The following DENND2A variants were observed in gnomAD, a reference collection of about 807,000 sequenced individuals.
DENND2A encodes DENN domain-containing protein 2A.
DENND2A carries 53 observed loss-of-function variants against 105.3 expected under a neutral mutation model. The observed-to-expected ratio is 0.50, with a 90% CI of 0.40 to 0.63. The LOEUF (loss-of-function observed/expected upper bound fraction) is 0.63. DENND2A is among the 30% of genes least tolerant of loss of function. DENND2A has a pLI of 0.00. For synonymous variants in DENND2A, 522 were observed against 508.4 expected, an observed-to-expected ratio of 1.03 and a Z score of -0.36; for missense variants, 1,138 against 1,279.6, an observed-to-expected ratio of 0.89 and a Z score of 1.69.
chr7:140,546,712 C>T, intron 13 of DENND2A, 87 bp downstream of exon 13: 1 of 1,530,190 alleles, frequency 6.5e-7, no homozygotes, highest in Non-Finnish European at 8.9e-7. Flanking sequence ...TTGGACTGCT[C>T]ACTGAAAGGC....
At chr7:140,581,263 CAAAAG>C (rs151202396) in intron 5 of DENND2A, among the ~76,000 whole-genome samples, 5 of 151,930 alleles carry the variant, frequency 3.3e-5, no homozygotes, top group Non-Finnish European at 7.4e-5. Context: ...GATTCTGTCT[CAAAAG>C]AAAAGAAAAG....
Position 140,640,590 on chromosome 7 carries a change from G to T in DENND2A, c.-334C>A. On this transcript the variant is annotated 5_prime_UTR_variant, in exon 1 of 20. Transcript: ENST00000496613. The surrounding 1 kb of genome is among the most constrained non-coding windows in gnomAD (Gnocchi z 4.9). ...GGGACGGCTGGCGGCGCGGCTCGGGGGCGGGCGGCGGCGGGTGCCGGGGAC... is the reference window on the plus strand; with the variant it reads ...GGGACGGCTGGCGGCGCGGCTCGGGTGCGGGCGGCGGCGGGTGCCGGGGAC... 6.7e-6 allele frequency: 1 copy of T among 149,256 alleles called. No individual in the cohort carries two copies. Among genetic ancestry groups the T allele is most frequent in the South Asian group, 1.8e-4 (1 of 5,412 alleles). 9.2% of individuals were successfully genotyped at this position (149,256 alleles called of 1,614,324 possible).
At chr7:140,570,223 G>A (rs572157842) in intron 6 of DENND2A, among the ~76,000 whole-genome samples, 11 of 152,246 alleles carry the variant, frequency 7.2e-5, no homozygotes, top group African/African-American at 2.6e-4. Flanking sequence ...ACACAGGAAC[G>A]TGACTGTCAA....
chr7:140,578,958 G>A (rs269216), intron 5 of DENND2A, among the ~76,000 whole-genome samples: 7 of 152,026 alleles, frequency 4.6e-5, no homozygotes, highest in Non-Finnish European at 1.0e-4. Flanking sequence ...ATGGGATACC[G>A]TGCAGGCAAT....
At chr7:140,574,119 A>G (rs1798206107) in intron 5 of DENND2A, 111 bp from the exon 6 acceptor site, 4 of 1,250,396 alleles carry the variant, frequency 3.2e-6, no homozygotes, top group Non-Finnish European at 4.6e-6. Context: ...GAACTGGTCT[A>G]TGTTCCCAGG....
At chr7:140,539,972 C>T (rs1226905850) in intron 14 of DENND2A, among the ~76,000 whole-genome samples, 7 of 152,168 alleles carry the variant, frequency 4.6e-5, no homozygotes, top group African/African-American at 1.2e-4. Flanking sequence ...AGCGGAGTCC[C>T]GGAAAGTCAG....
intron 11 of DENND2A, among the ~76,000 whole-genome samples, chr7:140,557,531 A>ATTTT (rs1156756617): frequency 2.5e-5 from 1 of 39,650 alleles, no homozygotes; most frequent in African/African-American, 7.3e-5. Context: ...ATATATATAT[A>ATTTT]TTTTTTTTTT....
chr7:140,634,997 T>C (rs547223277), intron 1 of DENND2A, among the ~76,000 whole-genome samples: 1 of 151,278 alleles, frequency 6.6e-6, no homozygotes, highest in East Asian at 1.9e-4. Context: ...GTGCAGTGGC[T>C]CATGCCTGTA....
chr7:140,526,985 T>C (rs1402361193), intron 15 of DENND2A, among the ~76,000 whole-genome samples: 1 of 152,082 alleles, frequency 6.6e-6, no homozygotes, highest in African/African-American at 2.4e-5. Flanking sequence ...AGCTCCTCAA[T>C]GTGGGGGAGT....
intron 1 of DENND2A, among the ~76,000 whole-genome samples, chr7:140,631,712 G>A (rs1800739052): frequency 6.6e-6 from 1 of 152,222 alleles, no homozygotes; most frequent in East Asian, 1.9e-4. Flanking sequence ...AAGATGCCAG[G>A]GAGTTATATT....
intron 1 of DENND2A, among the ~76,000 whole-genome samples, chr7:140,628,431 C>T (rs959352717): frequency 6.6e-6 from 1 of 152,076 alleles, no homozygotes; most frequent in Non-Finnish European, 1.5e-5. Flanking sequence ...CCTATCTGTG[C>T]CTGGTGTTTT....
chr7:140,599,555 G>A (rs1399125634), intron 3 of DENND2A, among the ~76,000 whole-genome samples: 1 of 151,974 alleles, frequency 6.6e-6, no homozygotes, highest in East Asian at 1.9e-4. Flanking sequence ...CCATTTTACA[G>A]ATAGGTAAAA....
chr7:140,533,942 C>A (rs192384187), intron 14 of DENND2A, among the ~76,000 whole-genome samples: 6 of 152,264 alleles, frequency 3.9e-5, no homozygotes, highest in Non-Finnish European at 5.9e-5. Flanking sequence ...TAGATGGAGT[C>A]TCACTCTGTC....
intron 12 of DENND2A, among the ~76,000 whole-genome samples, chr7:140,549,700 AC>A (rs1010239585): frequency 6.6e-6 from 1 of 152,206 alleles, no homozygotes; most frequent in Admixed American, 6.5e-5. Context: ...TCCTCAAAAA[AC>A]TAAATAGAAT....
At chr7:140,620,864 G>A (rs796398877) in intron 1 of DENND2A, among the ~76,000 whole-genome samples, 42 of 152,286 alleles carry the variant, frequency 2.8e-4, no homozygotes, top group Middle Eastern at 3.4e-3. Context: ...TCCAAAGAGC[G>A]ATTATGTGGA....
At chr7:140,626,811 C>G (rs1800549923) in intron 1 of DENND2A, among the ~76,000 whole-genome samples, 1 of 152,168 alleles carries the variant, frequency 6.6e-6, no homozygotes, top group Non-Finnish European at 1.5e-5. Context: ...GGGGCCAGCA[C>G]AAGAGAATGG....
Position 140,602,323 on chromosome 7 carries a change from G to A in DENND2A, c.75C>T (p.Leu25=), listed in dbSNP as rs370257416. The A allele has an allele frequency of 3.2e-4, 509 of 1,602,530 alleles. No individual in the cohort carries two copies. The highest frequency in any genetic ancestry group is 4.1e-4 in the Non-Finnish European group (489 of 1,178,680). The part of the protein sequence containing the change: ...AEASRAGKKQ[L]RGVQNPCPSA... ...ATGGGCAAGGGTTCTGAACACCTCT[G>A]AGCTGCTTCTTCCCAGCCCTGCTGG... Residue 25 remains leucine (L), a synonymous_variant, in exon 3 of 20, where the codon CTC becomes CTT. Transcript: ENST00000496613.
intron 3 of DENND2A, among the ~76,000 whole-genome samples, chr7:140,590,895 A>AATAATAATAAT (rs775140274): frequency 1.3e-5 from 2 of 151,868 alleles, no homozygotes; most frequent in African/African-American, 4.8e-5. Context: ...ATAATAATAA[A>AATAATAATAAT]AAAAAGGTCA....
At chr7:140,524,334 T>C (rs1347981897) in intron 16 of DENND2A, among the ~76,000 whole-genome samples, 2 of 152,316 alleles carry the variant, frequency 1.3e-5, no homozygotes, top group African/African-American at 4.8e-5. Flanking sequence ...TAGCAAATGA[T>C]AAAAAGAAAA....
Sources: gnomAD v4.1 joint callset for allele counts (sites outside exome capture counted in the v4.1 genomes callset) on GRCh38, gnomAD v4.1.1 for gene constraint, Gnocchi (gnomAD v3.1) non-coding constraint, MANE v1.5 for transcripts, NCBI Gene and HGNC (gene_info 2026-07-23, HGNC 2026-07-21) for gene names.